Variants in ZMIZ1 observed in about 807,000 individuals in gnomAD.
ZMIZ1 encodes the protein zinc finger MIZ domain-containing protein 1.
A neutral mutation model predicts 113.9 loss-of-function variants in ZMIZ1; 17 were observed. The observed-to-expected ratio is 0.15, with a 90% CI of 0.10 to 0.22. The LOEUF is 0.22. Ranked by LOEUF, ZMIZ1 falls within the 10% of genes least tolerant of loss-of-function variation. The probability of loss-of-function intolerance (pLI) is 1.00; values close to 1 mark genes in which losing one functional copy is unlikely to be tolerated. For synonymous variants in ZMIZ1, 607 were observed against 603.1 expected, an observed-to-expected ratio of 1.01 and a Z score of -0.09; for missense variants, 1,059 against 1,477.8, an observed-to-expected ratio of 0.72 and a Z score of 4.65.
intron 4 of ZMIZ1, among the ~76,000 whole-genome samples, chr10:79,163,454 A>T (rs780493623): frequency 6.6e-6 from 1 of 152,282 alleles, no homozygotes; most frequent in Non-Finnish European, 1.5e-5. Context: ...GAGGATGCTT[A>T]GAAGCCATGA....
rs978338869 is a variant in ZMIZ1 at position 79,312,514 on chromosome 10, C to G, written c.3097-128C>G. 3.2e-6 allele frequency: 3 copies of G among 932,686 alleles called. No homozygotes were observed. In the Admixed American group the frequency reaches 5.5e-5, roughly 17 times the overall value. The allele number at this position is 932,686 out of a possible 1,614,324, so 57.8% of individuals were successfully genotyped here. A position where few individuals can be genotyped will look rare whatever the true frequency, so the allele number is the denominator to read the frequency against. ...GGCCCAAGCCCAAGGCTGTTCTCTA[C>G]CCCTTTTTTTGGCTAGGGTCCTGAG... On this transcript the variant is annotated intron_variant, in intron 24 of 24. Coordinates refer to ENST00000334512, the MANE Select transcript of ZMIZ1 (RefSeq NM_020338.4).
intron 7 of ZMIZ1, among the ~76,000 whole-genome samples, chr10:79,252,557 A>G (rs1261069793): frequency 6.6e-6 from 1 of 152,116 alleles, no homozygotes; most frequent in East Asian, 1.9e-4. Flanking sequence ...GGCACCTGCT[A>G]CCTGAAGCCT....
intron 1 of ZMIZ1, among the ~76,000 whole-genome samples, chr10:79,081,742 G>A (rs530167858): frequency 3.9e-5 from 6 of 152,238 alleles, no homozygotes; most frequent in Non-Finnish European, 8.8e-5. Context: ...TGCAAGGAGC[G>A]CTGGATTTAG....
chr10:79,158,199 A>G (rs559877567), intron 3 of ZMIZ1, among the ~76,000 whole-genome samples: 2 of 152,308 alleles, frequency 1.3e-5, no homozygotes, highest in African/African-American at 4.8e-5. Context: ...CACAGCTATC[A>G]GGGCCAAGGC....
chr10:79,235,991 T>C (rs901336156), intron 7 of ZMIZ1, among the ~76,000 whole-genome samples: 1 of 152,200 alleles, frequency 6.6e-6, no homozygotes, highest in Non-Finnish European at 1.5e-5. Flanking sequence ...AGTTTCCTCA[T>C]TTGAAGAGGG....
chr10:79,079,111 T>C (rs10762842), intron 1 of ZMIZ1, among the ~76,000 whole-genome samples: 89,857 of 152,140 alleles, frequency 0.59, 26,672 homozygotes, highest in African/African-American at 0.63. Flanking sequence ...CCACTTTTGC[T>C]GGCCTCCTTG....
intron 6 of ZMIZ1, among the ~76,000 whole-genome samples, chr10:79,209,192 G>A (rs964471974): frequency 6.6e-6 from 1 of 151,558 alleles, no homozygotes; most frequent in Non-Finnish European, 1.5e-5. Flanking sequence ...AGAGGGGGCA[G>A]GAGTGCTCGG....
chr10:79,291,028 A>G lies in ZMIZ1; in HGVS notation c.610A>G (p.Met204Val), dbSNP rs746981783. The G allele has an allele frequency of 4.5e-5, 72 of 1,614,136 alleles. No homozygotes were observed. The highest frequency in any genetic ancestry group is 5.8e-5 in the Non-Finnish European group (69 of 1,180,044). Residue 204 changes from methionine (M) to valine (V), a missense_variant, in exon 10 of 25, where the codon ATG becomes GTG. This residue lies in a region of ZMIZ1 where 272 missense variants were observed against 350.4 expected (regional missense o/e 0.78). Coordinates refer to ENST00000334512, the MANE Select transcript of ZMIZ1 (RefSeq NM_020338.4). ...NPGGNPMASG[M>V]TTSNPGLNSP... ...AGGCGGCAACCCCATGGCGTCGGGC[A>G]TGACCACCAGCAACCCAGGCCTCAA...
At chr10:79,174,477 C>T (rs932306495) in intron 4 of ZMIZ1, among the ~76,000 whole-genome samples, 1 of 152,206 alleles carries the variant, frequency 6.6e-6, no homozygotes, top group Admixed American at 6.5e-5. Flanking sequence ...GGGTTTTGAT[C>T]TGTAGAATGA....
At chr10:79,305,718 AC>A (rs1854639272) in intron 21 of ZMIZ1, 117 bp downstream of exon 21, 1 of 1,049,164 alleles carries the variant, frequency 9.5e-7, no homozygotes, top group African/African-American at 1.6e-5. Context: ...GCAGACCGTG[AC>A]CCACATCCCC....
intron 3 of ZMIZ1, among the ~76,000 whole-genome samples, chr10:79,147,689 C>A (rs921837171): frequency 2.0e-5 from 3 of 152,196 alleles, no homozygotes; most frequent in Non-Finnish European, 4.4e-5. Context: ...CATTTCCCAC[C>A]CCACTGCCAT....
At chr10:79,080,840 C>A (rs1407870382) in intron 1 of ZMIZ1, among the ~76,000 whole-genome samples, 2 of 152,074 alleles carry the variant, frequency 1.3e-5, no homozygotes, top group Admixed American at 6.5e-5. Context: ...GCGCCTTCTG[C>A]CTTGTGGATG....
At chr10:79,166,301 C>T (rs1846346084) in intron 4 of ZMIZ1, among the ~76,000 whole-genome samples, 1 of 152,258 alleles carries the variant, frequency 6.6e-6, no homozygotes, top group Non-Finnish European at 1.5e-5. Flanking sequence ...GGGCTCTGCA[C>T]AACAGAGGCC....
At position 79,296,373 on chromosome 10, in the gene ZMIZ1, T is replaced by G; in HGVS notation, c.1231-98T>G. 3 of 1,327,028 alleles carry G rather than the reference T, an allele frequency of 2.3e-6. No homozygotes were observed. The highest frequency in any genetic ancestry group is 1.9e-4 in the Middle Eastern group (1 of 5,356). The allele number at this position is 1,327,028 out of a possible 1,614,324, so 82.2% of individuals were successfully genotyped here. On this transcript the variant is annotated intron_variant, in intron 12 of 24. Transcript: ENST00000334512. This position sits in a 1 kb window ranked among gnomAD's most constrained non-coding sequence, Gnocchi z 4.1. The stretch of plus-strand genomic sequence containing the variant: ...GTGGGTGGGAAACAGCAGGAGCAAA[T>G]GAGGAGAGGCGGGCCCCATCCCGTT...
Position 79,300,716 on chromosome 10 carries a change from C to T in ZMIZ1, c.1809-16C>T, listed in dbSNP as rs751580849. 163 of 1,611,964 alleles carry T rather than the reference C, an allele frequency of 1.0e-4. No individual in the cohort carries two copies. In the East Asian group the frequency reaches 3.5e-3, roughly 35 times the overall value. Reference sequence around the variant, plus strand: ...CCCTGGCAGAGCTGCCCTGAGCACCCTCGTTCCCCACCTAGGTCTGACCTG... The same window carrying T: ...CCCTGGCAGAGCTGCCCTGAGCACCTTCGTTCCCCACCTAGGTCTGACCTG... On this transcript the variant is annotated splice_polypyrimidine_tract_variant and intron_variant, in intron 16 of 24. Transcript: ENST00000334512.
chr10:79,077,359 G>A (rs1371969476), intron 1 of ZMIZ1, among the ~76,000 whole-genome samples: 2 of 152,118 alleles, frequency 1.3e-5, no homozygotes, highest in South Asian at 2.1e-4. Context: ...AGTGGGACGC[G>A]ACCTTATAGG....
At chr10:79,215,982 C>A (rs1312226637) in intron 6 of ZMIZ1, among the ~76,000 whole-genome samples, 187 bp from the exon 7 acceptor site, 2 of 152,208 alleles carry the variant, frequency 1.3e-5, no homozygotes, top group Non-Finnish European at 2.9e-5. Context: ...ATCCCAGGGC[C>A]TGGCACGGAA....
At chr10:79,303,524 C>T (rs1039609077) in intron 18 of ZMIZ1, among the ~76,000 whole-genome samples, 2 of 129,338 alleles carry the variant, frequency 1.5e-5, no homozygotes, top group East Asian at 2.6e-4. Flanking sequence ...AAGGAGACTC[C>T]GGGTGTGGAC....
chr10:79,311,439 C>T (rs1402180519), intron 24 of ZMIZ1, among the ~76,000 whole-genome samples: 2 of 152,148 alleles, frequency 1.3e-5, no homozygotes, highest in Non-Finnish European at 2.9e-5. Flanking sequence ...CCCTGACCCA[C>T]CTTCTGACCC....
Sources: gnomAD v4.1 joint callset for allele counts (sites outside exome capture counted in the v4.1 genomes callset) on GRCh38, gnomAD v4.1.1 for gene constraint, gnomAD v4.1.1 regional missense constraint, Gnocchi (gnomAD v3.1) non-coding constraint, MANE v1.5 for transcripts, NCBI Gene and HGNC (gene_info 2026-07-23, HGNC 2026-07-21) for gene names.